The following VTI1A variants were observed in gnomAD, a reference collection of about 807,000 sequenced individuals.
VTI1A encodes the protein vesicle transport through interaction with t-SNAREs 1A.
Under a neutral mutation model 34.9 loss-of-function variants are expected in VTI1A, and 22 were observed. The observed-to-expected ratio is 0.63, with a 90% CI of 0.45 to 0.90. VTI1A has a LOEUF of 0.90. Ranked by LOEUF, VTI1A falls within the 40% of genes least tolerant of loss-of-function variation. VTI1A has a pLI of 0.00. For missense variants in VTI1A, 268 were observed against 275.6 expected (o/e 0.97, Z 0.20); for synonymous variants, 87 against 97.3 (o/e 0.89, Z 0.62).
At chr10:112,662,453 T>C (rs1847496724) in intron 5 of VTI1A, among the ~76,000 whole-genome samples, 1 of 152,234 alleles carries the variant, frequency 6.6e-6, no homozygotes, top group African/African-American at 2.4e-5. Flanking sequence ...GTATACCTAG[T>C]GAATTAATTT....
intron 7 of VTI1A, chr10:112,736,813 G>C: frequency 7.5e-7 from 1 of 1,327,582 alleles, no homozygotes; most frequent in Non-Finnish European, 1.1e-6. Flanking sequence ...AACACGTATT[G>C]TGCCTTCAAT....
chr10:112,778,585 C>G (rs1852020431), intron 7 of VTI1A, among the ~76,000 whole-genome samples: 1 of 152,268 alleles, frequency 6.6e-6, no homozygotes. Context: ...TTTGGCAAAT[C>G]TATGGCAAAG....
At chr10:112,754,408 C>T (rs1400922920) in intron 7 of VTI1A, among the ~76,000 whole-genome samples, 1 of 152,146 alleles carries the variant, frequency 6.6e-6, no homozygotes, top group East Asian at 1.9e-4. Flanking sequence ...TGTGCCTGTT[C>T]AGTGCTCCCA....
At chr10:112,549,450 T>C (rs1851262772) in intron 5 of VTI1A, among the ~76,000 whole-genome samples, 1 of 152,212 alleles carries the variant, frequency 6.6e-6, no homozygotes, top group Non-Finnish European at 1.5e-5. Flanking sequence ...AAGTACAGGT[T>C]GGAATTTAGA....
At chr10:112,672,651 G>A (rs1445963109) in intron 7 of VTI1A, 1 of 152,116 alleles carries the variant, frequency 6.6e-6, no homozygotes. Flanking sequence ...AAGTGTCACA[G>A]TATCACTAGG....
At chr10:112,853,868 C>T in the VTI1A span, among the ~76,000 whole-genome samples, 1 of 152,232 alleles carries the variant, frequency 6.6e-6, no homozygotes, top group Non-Finnish European at 1.5e-5. Context: ...CTCCATCAGA[C>T]TGCCACTGAT....
intron 5 of VTI1A, among the ~76,000 whole-genome samples, chr10:112,608,959 T>A (rs2044364): frequency 0.54 from 82,618 of 151,950 alleles, 22,810 homozygotes; most frequent in Admixed American, 0.65. Context: ...GCAGTGACAA[T>A]ATCTTCAGTC....
chr10:112,643,158 T>C (rs1263932995), intron 5 of VTI1A, among the ~76,000 whole-genome samples: 1 of 97,858 alleles, frequency 1.0e-5, no homozygotes, highest in Non-Finnish European at 2.6e-5. Flanking sequence ...CTAATTTTTT[T>C]TTTTTCTTTT....
chr10:112,795,966 C>G (rs1415880959), intron 7 of VTI1A, among the ~76,000 whole-genome samples: 1 of 152,112 alleles, frequency 6.6e-6, no homozygotes, highest in African/African-American at 2.4e-5. Context: ...TCTTTCTGTG[C>G]AAAGACTTGC....
intron 7 of VTI1A, among the ~76,000 whole-genome samples, chr10:112,695,566 A>C (rs1179141996): frequency 6.6e-6 from 1 of 152,208 alleles, no homozygotes; most frequent in African/African-American, 2.4e-5. Context: ...TTAAATACAC[A>C]TATTTGCTTT....
intron 7 of VTI1A, among the ~76,000 whole-genome samples, chr10:112,758,284 C>A (rs1394591856): frequency 6.6e-6 from 1 of 152,140 alleles, no homozygotes; most frequent in African/African-American, 2.4e-5. Flanking sequence ...GCACTTTCTT[C>A]TCATCATCTC....
chr10:112,759,073 C>G (rs983561136), intron 7 of VTI1A, among the ~76,000 whole-genome samples: 15 of 152,146 alleles, frequency 9.9e-5, no homozygotes, highest in African/African-American at 3.6e-4. Context: ...CCCTGCCTCC[C>G]TACCCCAGCC....
intron 7 of VTI1A, among the ~76,000 whole-genome samples, chr10:112,671,638 G>A (rs916335800): frequency 6.6e-5 from 10 of 152,130 alleles, no homozygotes; most frequent in Non-Finnish European, 1.2e-4. Context: ...TTTTACGTAT[G>A]GTCTGTTGTG....
the VTI1A span, among the ~76,000 whole-genome samples, chr10:112,844,862 C>T: frequency 1.1e-4 from 16 of 152,252 alleles, no homozygotes; most frequent in Non-Finnish European, 1.9e-4. Flanking sequence ...AATGTCACTG[C>T]GATGACTGGA....
intron 5 of VTI1A, among the ~76,000 whole-genome samples, chr10:112,630,415 A>G (rs1324180632): frequency 6.6e-6 from 1 of 152,202 alleles, no homozygotes; most frequent in Non-Finnish European, 1.5e-5. Flanking sequence ...TGGGGGTGCT[A>G]GAACTTGGTT....
intron 7 of VTI1A, among the ~76,000 whole-genome samples, chr10:112,745,009 A>G (rs1330517007): frequency 6.6e-6 from 1 of 152,242 alleles, no homozygotes; most frequent in Non-Finnish European, 1.5e-5. Flanking sequence ...AAGAAAGTAC[A>G]ATACATTTTT....
chr10:112,665,221 A>G (rs1478168383), intron 5 of VTI1A, among the ~76,000 whole-genome samples: 2 of 152,084 alleles, frequency 1.3e-5, no homozygotes, highest in Non-Finnish European at 2.9e-5. Context: ...TAAACCCAAG[A>G]TAGTCTATAT....
At chr10:112,813,638 C>T (rs1261750157) in intron 7 of VTI1A, among the ~76,000 whole-genome samples, 4 of 152,192 alleles carry the variant, frequency 2.6e-5, no homozygotes, top group African/African-American at 9.6e-5. Context: ...TGATAATTAG[C>T]CTCACTATCA....
the VTI1A span, among the ~76,000 whole-genome samples, chr10:112,838,596 C>T: frequency 1.2e-4 from 18 of 152,168 alleles, no homozygotes; most frequent in African/African-American, 3.9e-4. Context: ...GTAGGCAGGA[C>T]GGGAAGGAAC....
Sources: gnomAD v4.1 joint callset for allele counts (sites outside exome capture counted in the v4.1 genomes callset) on GRCh38, gnomAD v4.1.1 for gene constraint, MANE v1.5 for transcripts, NCBI Gene and HGNC (gene_info 2026-07-23, HGNC 2026-07-21) for gene names.